Variants in PRKN observed in about 807,000 individuals in gnomAD.
PRKN encodes parkin RBR E3 ubiquitin protein ligase.
Under a neutral mutation model 59.5 loss-of-function variants are expected in PRKN, and 56 were observed. The observed-to-expected ratio is 0.94, with a 90% confidence interval of 0.76 to 1.18. PRKN has a LOEUF of 1.18. PRKN is among the 50% of genes most tolerant of loss of function. The pLI is 0.00. For synonymous variants in PRKN, 250 were observed against 222.1 expected, an observed-to-expected ratio of 1.13 and a Z score of -1.12; for missense variants, 657 against 596.4, an observed-to-expected ratio of 1.10 and a Z score of -1.06.
rs868545786 is a variant in PRKN, at chr6:161,399,537, G to A, written c.1084-12660C>T. 3.9e-5 allele frequency among the ~76,000 whole-genome samples: 6 copies of A among 152,292 alleles called. No individual in the cohort carries two copies. The South Asian group carries it at 1.0e-3, about 26-fold the overall frequency. ...CATCTGCATGCTCCCCCTCCCATAA[G>A]GAGTTTGAGCAGTGGTGGTGGCTGA... On this transcript the variant is annotated intron_variant, in intron 9 of 11. Transcript: ENST00000366898. The surrounding 1 kb of genome is among the most constrained non-coding windows in gnomAD (Gnocchi z 4.4).
chr6:162,340,073 C>T (rs1233367915), intron 2 of PRKN, among the ~76,000 whole-genome samples: 39 of 147,364 alleles, frequency 2.6e-4, no homozygotes, highest in African/African-American at 8.6e-4. Flanking sequence ...GACCTTCCCT[C>T]CACTATTGTC....
At chr6:161,704,649 T>A (rs959112182) in intron 7 of PRKN, among the ~76,000 whole-genome samples, 1 of 152,148 alleles carries the variant, frequency 6.6e-6, no homozygotes, top group African/African-American at 2.4e-5. Context: ...AGCTGCCTCA[T>A]GGTCATCTCC....
intron 7 of PRKN, among the ~76,000 whole-genome samples, chr6:161,598,760 C>T (rs1289454134): frequency 6.6e-6 from 1 of 152,162 alleles, no homozygotes; most frequent in Admixed American, 6.5e-5. Flanking sequence ...CTTCTTGTAA[C>T]ATACTTCTTC....
At chr6:162,022,340 G>A (rs116525502) in intron 5 of PRKN, among the ~76,000 whole-genome samples, 2,072 of 152,068 alleles carry the variant, frequency 0.014, 43 homozygotes, top group African/African-American at 0.047. Flanking sequence ...CTACATCTGC[G>A]CCAATATATG....
intron 2 of PRKN, among the ~76,000 whole-genome samples, chr6:162,312,176 G>C (rs10447368): frequency 2.0e-5 from 3 of 151,974 alleles, no homozygotes; most frequent in Admixed American, 2.0e-4. Flanking sequence ...CCCTGCCAGA[G>C]CAGGTTCAAT....
At chr6:162,156,017 G>A (rs980914079) in intron 4 of PRKN, among the ~76,000 whole-genome samples, 2 of 152,014 alleles carry the variant, frequency 1.3e-5, no homozygotes, top group African/African-American at 2.4e-5. Context: ...AAGGAATAGT[G>A]GAAATGAGGA....
intron 3 of PRKN, among the ~76,000 whole-genome samples, chr6:162,225,145 G>A (rs1021796243): frequency 2.0e-5 from 3 of 152,150 alleles, no homozygotes; most frequent in Non-Finnish European, 2.9e-5. Flanking sequence ...ATCTATGAGT[G>A]AGCAGGTGCA....
chr6:162,607,526 G>C (rs1326060832), intron 1 of PRKN, among the ~76,000 whole-genome samples: 7 of 151,274 alleles, frequency 4.6e-5, no homozygotes, highest in Non-Finnish European at 7.4e-5. Context: ...TCCAAAGAGA[G>C]AGAGAAATTA....
chr6:162,342,886 GC>G (rs761307629), intron 2 of PRKN, among the ~76,000 whole-genome samples: 2 of 151,980 alleles, frequency 1.3e-5, no homozygotes, highest in Non-Finnish European at 2.9e-5. Flanking sequence ...TATTTTCCAA[GC>G]AAACACAAAA....
At chr6:162,584,302 C>T (rs1780921615) in intron 1 of PRKN, among the ~76,000 whole-genome samples, 1 of 150,294 alleles carries the variant, frequency 6.7e-6, no homozygotes, top group African/African-American at 2.5e-5. Context: ...GAACATAGAA[C>T]ACTGTACACA....
chr6:162,173,886 G>A (rs1783406485), intron 4 of PRKN, among the ~76,000 whole-genome samples: 1 of 152,136 alleles, frequency 6.6e-6, no homozygotes, highest in Non-Finnish European at 1.5e-5. Context: ...ATGTTCATTG[G>A]GTGTCAGCTA....
intron 9 of PRKN, among the ~76,000 whole-genome samples, chr6:161,443,733 G>C (rs1789359494): frequency 6.6e-6 from 1 of 152,148 alleles, no homozygotes; most frequent in Non-Finnish European, 1.5e-5. Flanking sequence ...AGTTCAGTCA[G>C]TTTTACCTTT....
At chr6:162,722,399 A>T (rs1778970301) in intron 1 of PRKN, among the ~76,000 whole-genome samples, 1 of 152,230 alleles carries the variant, frequency 6.6e-6, no homozygotes, top group Non-Finnish European at 1.5e-5. Flanking sequence ...TAAGCCAGGG[A>T]GGTGAGCTGC....
intron 4 of PRKN, among the ~76,000 whole-genome samples, chr6:162,103,855 C>T (rs1035336655): frequency 6.6e-6 from 1 of 152,144 alleles, no homozygotes; most frequent in Admixed American, 6.5e-5. Context: ...TCTTCCTCAC[C>T]TGTATGTAGC....
At chr6:161,591,816 T>A (rs1781735717) in intron 7 of PRKN, among the ~76,000 whole-genome samples, 1 of 152,220 alleles carries the variant, frequency 6.6e-6, no homozygotes, top group Non-Finnish European at 1.5e-5. Flanking sequence ...AGGAAAGGAA[T>A]AATGCCATTT....
chr6:161,838,346 T>G (rs977953404), intron 6 of PRKN, among the ~76,000 whole-genome samples: 3 of 152,308 alleles, frequency 2.0e-5, no homozygotes, highest in Admixed American at 1.3e-4. Flanking sequence ...GGCACTCTCC[T>G]TATCAGGAGG....
intron 6 of PRKN, among the ~76,000 whole-genome samples, chr6:161,805,087 C>T (rs1171982766): frequency 6.6e-6 from 1 of 152,102 alleles, no homozygotes; most frequent in Non-Finnish European, 1.5e-5. Context: ...CCTCCCACTA[C>T]AAAAGAATGC....
chr6:161,465,259 A>T (rs769071202), intron 9 of PRKN, among the ~76,000 whole-genome samples: 17 of 152,204 alleles, frequency 1.1e-4, no homozygotes, highest in Non-Finnish European at 2.1e-4. Flanking sequence ...TTTGGTAATA[A>T]TGATGACTTC....
intron 9 of PRKN, among the ~76,000 whole-genome samples, chr6:161,534,132 C>T (rs890887464): frequency 1.3e-5 from 2 of 152,102 alleles, no homozygotes; most frequent in African/African-American, 4.8e-5. Flanking sequence ...CTCCCTTTCC[C>T]TGTCCTGCTC....
Sources: allele counts gnomAD v4.1 joint callset (sites outside exome capture counted in the v4.1 genomes callset), GRCh38; gene constraint gnomAD v4.1.1; non-coding constraint Gnocchi (gnomAD v3.1); transcripts MANE v1.5; gene names NCBI Gene and HGNC (gene_info 2026-07-23, HGNC 2026-07-21).